TMEM114: variants seen among roughly 807,000 people sequenced by gnomAD.
The protein encoded by TMEM114 is transmembrane protein 114, also known as claudin-26.
In TMEM114, 6 loss-of-function variants were observed where a neutral mutation model predicts 6.2. The observed-to-expected ratio is 0.97, with a 90% CI of 0.53 to 1.91. TMEM114 has a LOEUF of 1.91. Among genes scored for constraint, TMEM114 ranks in the 40% most tolerant of loss-of-function variants. TMEM114 has a pLI of 0.01. For missense variants in TMEM114, 218 were observed against 158.3 expected, an observed-to-expected ratio of 1.38 and a Z score of -2.02; for synonymous variants, 104 against 73.0, an observed-to-expected ratio of 1.42 and a Z score of -2.16.
downstream of TMEM114, among the ~76,000 whole-genome samples, chr16:8,533,484 C>T (rs11077316): frequency 6.6e-6 from 1 of 151,940 alleles, no homozygotes; most frequent in Non-Finnish European, 1.5e-5. Context: ...ATGTCGGAGC[C>T]TTTGATACAT....
the TMEM114 span, among the ~76,000 whole-genome samples, chr16:8,532,454 C>A: frequency 6.6e-6 from 1 of 152,152 alleles, no homozygotes; most frequent in African/African-American, 2.4e-5. Flanking sequence ...GGACACCAGT[C>A]ACTCCTGTCT....
intron 2 of TMEM114, among the ~76,000 whole-genome samples, chr16:8,541,512 C>T (rs914185383): frequency 2.0e-5 from 3 of 152,216 alleles, no homozygotes; most frequent in African/African-American, 7.2e-5. Context: ...GGAAAGATCT[C>T]AGTGTAACCA....
downstream of TMEM114, among the ~76,000 whole-genome samples, chr16:8,536,005 C>T (rs967536352): frequency 6.6e-6 from 1 of 152,124 alleles, no homozygotes; most frequent in Non-Finnish European, 1.5e-5. Context: ...GCGGGCAGAT[C>T]ACCTGAGGTG....
downstream of TMEM114, among the ~76,000 whole-genome samples, chr16:8,534,432 C>G (rs1900297846): frequency 1.3e-5 from 2 of 151,884 alleles, no homozygotes; most frequent in South Asian, 2.1e-4. Context: ...GAAGTGGGAG[C>G]AGGTGGAGGG....
the TMEM114 span, among the ~76,000 whole-genome samples, chr16:8,529,310 A>G: frequency 1.3e-5 from 2 of 151,990 alleles, no homozygotes; most frequent in Non-Finnish European, 2.9e-5. Flanking sequence ...TCTGACCAGG[A>G]CTCCCCAAAG....
At chr16:8,571,613 A>G (rs1596309461) in intron 3 of TMEM114, among the ~76,000 whole-genome samples, 1 of 101,818 alleles carries the variant, frequency 9.8e-6, no homozygotes, top group African/African-American at 3.9e-5. Flanking sequence ...AGCCTGTTCC[A>G]TTCTCTCTTT....
intron 2 of TMEM114, among the ~76,000 whole-genome samples, chr16:8,552,563 G>C (rs192345157): frequency 6.6e-6 from 1 of 152,060 alleles, no homozygotes; most frequent in East Asian, 1.9e-4. Context: ...TAACAGTATT[G>C]CAATGTGGAT....
chr16:8,585,980 G>C (rs1902307306), intron 2 of TMEM114, among the ~76,000 whole-genome samples: 1 of 152,210 alleles, frequency 6.6e-6, no homozygotes, highest in Non-Finnish European at 1.5e-5. Context: ...CTGTGGATGT[G>C]AGTTCTGCTC....
chr16:8,554,134 C>G (rs1156491966), intron 2 of TMEM114, among the ~76,000 whole-genome samples: 1 of 152,134 alleles, frequency 6.6e-6, no homozygotes, highest in Non-Finnish European at 1.5e-5. Flanking sequence ...CCGACTTGGC[C>G]TCCCTAAGAC....
intron 2 of TMEM114, among the ~76,000 whole-genome samples, chr16:8,543,020 C>T (rs751215102): frequency 6.6e-6 from 1 of 152,196 alleles, no homozygotes; most frequent in Non-Finnish European, 1.5e-5. Flanking sequence ...AAAGGCAGTG[C>T]TGCTGATAAC....
chr16:8,566,038 C>T (rs1322788361), downstream of TMEM114, among the ~76,000 whole-genome samples: 1 of 152,144 alleles, frequency 6.6e-6, no homozygotes, highest in African/African-American at 2.4e-5. Context: ...TAGAACAGAA[C>T]CAATCCAATG....
chr16:8,542,611 C>A (rs377244702), intron 2 of TMEM114, among the ~76,000 whole-genome samples: 1 of 152,092 alleles, frequency 6.6e-6, no homozygotes, highest in East Asian at 1.9e-4. Context: ...AATATTGATT[C>A]TGTGGGTTTG....
intron 2 of TMEM114, among the ~76,000 whole-genome samples, chr16:8,588,917 C>T (rs1049494476): frequency 2.0e-5 from 3 of 152,262 alleles, no homozygotes; most frequent in African/African-American, 7.2e-5. Context: ...TTTGTCCCAG[C>T]ACCACTGTGA....
chr16:8,573,607 G>A (rs11077320), intron 2 of TMEM114, among the ~76,000 whole-genome samples: 14,808 of 152,160 alleles, frequency 0.097, 864 homozygotes, highest in South Asian at 0.14. Flanking sequence ...TTTACCAAAT[G>A]TGTATTGGTT....
intron 2 of TMEM114, among the ~76,000 whole-genome samples, chr16:8,554,415 A>G (rs942195039): frequency 2.6e-5 from 4 of 152,192 alleles, no homozygotes; most frequent in Middle Eastern, 3.4e-3. Context: ...TAATAATAAT[A>G]ATAATAAAAA....
At chr16:8,562,780 G>C (rs536698815) in intron 2 of TMEM114, among the ~76,000 whole-genome samples, 6 of 149,020 alleles carry the variant, frequency 4.0e-5, no homozygotes, top group Middle Eastern at 3.4e-3. Flanking sequence ...GAATGAGTGA[G>C]TGAATGAGTA....
chr16:8,542,142 T>TG (rs75052886), intron 2 of TMEM114, among the ~76,000 whole-genome samples: 46,297 of 150,098 alleles, frequency 0.31, 7,166 homozygotes, highest in East Asian at 0.43. Flanking sequence ...GGATGATTCG[T>TG]GGGGGGGGGT....
At chr16:8,587,607 C>T (rs908485421) in intron 2 of TMEM114, among the ~76,000 whole-genome samples, 32 of 152,320 alleles carry the variant, frequency 2.1e-4, no homozygotes, top group Admixed American at 1.6e-3. Context: ...AGGAGTAAAG[C>T]GGAGAATGGG....
intron 2 of TMEM114, among the ~76,000 whole-genome samples, chr16:8,540,456 A>G (rs1900484450): frequency 6.6e-6 from 1 of 152,204 alleles, no homozygotes; most frequent in Non-Finnish European, 1.5e-5. Context: ...TGTTCAATGA[A>G]ATAATGCAAG....
Sources: allele counts gnomAD v4.1 joint callset (sites outside exome capture counted in the v4.1 genomes callset), GRCh38; gene constraint gnomAD v4.1.1; transcripts MANE v1.5; gene names NCBI Gene and HGNC (gene_info 2026-07-23, HGNC 2026-07-21).